GHR: variants seen among roughly 807,000 people sequenced by gnomAD.
The protein encoded by GHR is growth hormone receptor, also known as GH receptor.
GHR carries 35 observed loss-of-function variants against 67.1 expected under a neutral mutation model. The ratio of observed to expected loss-of-function variants is 0.52; its 90% CI spans 0.40 to 0.69. The LOEUF (loss-of-function observed/expected upper bound fraction) is 0.69. GHR is among the 30% of genes least tolerant of loss of function. The probability of loss-of-function intolerance (pLI) is 0.00; values close to 1 mark genes in which losing one functional copy is unlikely to be tolerated. For synonymous variants in GHR, 272 were observed against 269.1 expected, an observed-to-expected ratio of 1.01 and a Z score of -0.10; for missense variants, 792 against 764.6, an observed-to-expected ratio of 1.04 and a Z score of -0.42.
At chr5:42,677,817 T>C (rs575798868) in intron 3 of GHR, among the ~76,000 whole-genome samples, 1 of 152,302 alleles carries the variant, frequency 6.6e-6, no homozygotes, top group South Asian at 2.1e-4. Context: ...AGCCAAAAGA[T>C]TGGACACCTA....
At chr5:42,543,144 G>T (rs79429701) in intron 1 of GHR, among the ~76,000 whole-genome samples, 1 of 152,154 alleles carries the variant, frequency 6.6e-6, no homozygotes, top group East Asian at 1.9e-4. Flanking sequence ...CCTTTAGGTC[G>T]ATTCCCAGTA....
intron 1 of GHR, among the ~76,000 whole-genome samples, chr5:42,557,900 C>T (rs745646743): frequency 5.3e-5 from 8 of 152,112 alleles, no homozygotes; most frequent in Non-Finnish European, 7.4e-5. Flanking sequence ...TACCTGTTAC[C>T]TCACATGAAG....
chr5:42,622,343 A>G (rs900188470), intron 2 of GHR, among the ~76,000 whole-genome samples: 2 of 152,224 alleles, frequency 1.3e-5, no homozygotes, highest in African/African-American at 4.8e-5. Context: ...ATTGTGGCAC[A>G]TAGTGGGGAA....
chr5:42,483,359 G>A lies in GHR; in HGVS notation c.-12+59404G>A, dbSNP rs548126813. On this transcript the variant is annotated intron_variant, in intron 1 of 9. Transcript: ENST00000230882. ...GAGCCTCCATGGCTGGGCACTTACTGTCTTTTTAATTATCAGCTTGCAAAT... is the reference window on the plus strand; with the variant it reads ...GAGCCTCCATGGCTGGGCACTTACTATCTTTTTAATTATCAGCTTGCAAAT... 7.9e-5 allele frequency among the ~76,000 whole-genome samples: 12 copies of A among 152,212 alleles called. No homozygotes were observed. In the South Asian group the frequency reaches 2.5e-3, roughly 32 times the overall value.
At chr5:42,444,524 A>G (rs936985478) in intron 1 of GHR, among the ~76,000 whole-genome samples, 2 of 152,174 alleles carry the variant, frequency 1.3e-5, no homozygotes, top group African/African-American at 4.8e-5. Flanking sequence ...TGTTAAATTT[A>G]CCTGAAATAA....
intron 3 of GHR, among the ~76,000 whole-genome samples, chr5:42,663,530 G>C (rs987142237): frequency 1.3e-5 from 2 of 152,220 alleles, no homozygotes; most frequent in South Asian, 2.1e-4. Flanking sequence ...AAAGTTCTTT[G>C]ACAAAATTCA....
rs576618508 is a variant in GHR at position 42,506,227 on chromosome 5, T to C, written c.-11-59637T>C. The stretch of plus-strand genomic sequence containing the variant: ...AATCAGAATGTATTATGTAGTATTA[T>C]GTAGTTAATAAATATATTTAATGTG... On this transcript the variant is annotated intron_variant, in intron 1 of 9. Transcript: ENST00000230882. Among the ~76,000 whole-genome samples the C allele has an allele frequency of 4.6e-5, 7 of 152,340 alleles. No homozygotes were observed. The South Asian group carries it at 1.0e-3, about 23-fold the overall frequency.
chr5:42,551,808 A>C (rs959329785), intron 1 of GHR, among the ~76,000 whole-genome samples: 1 of 152,186 alleles, frequency 6.6e-6, no homozygotes, highest in Non-Finnish European at 1.5e-5. Context: ...ATGATGCTCC[A>C]TGTAAACTGC....
At chr5:42,529,739 A>G (rs1378288831) in intron 1 of GHR, among the ~76,000 whole-genome samples, 1 of 152,092 alleles carries the variant, frequency 6.6e-6, no homozygotes, top group Admixed American at 6.5e-5. Flanking sequence ...GAAATGTCCT[A>G]TTTGTCTAAG....
intron 1 of GHR, among the ~76,000 whole-genome samples, chr5:42,439,557 T>C (rs1026761777): frequency 6.6e-6 from 1 of 152,192 alleles, no homozygotes; most frequent in East Asian, 1.9e-4. Flanking sequence ...CAAGAATTTG[T>C]ATAAGACTTT....
At chr5:42,588,651 T>C (rs1751620681) in intron 2 of GHR, among the ~76,000 whole-genome samples, 1 of 152,010 alleles carries the variant, frequency 6.6e-6, no homozygotes, top group South Asian at 2.1e-4. Context: ...ATTGGTTGAC[T>C]CTAATGAGAT....
intron 1 of GHR, among the ~76,000 whole-genome samples, chr5:42,470,259 T>C (rs1744953495): frequency 6.9e-6 from 1 of 145,354 alleles, no homozygotes; most frequent in Non-Finnish European, 1.5e-5. Context: ...CATGTATTAA[T>C]ATATATTATC....
intron 1 of GHR, chr5:42,468,949 A>G: frequency 2.3e-6 from 1 of 442,472 alleles, no homozygotes; most frequent in South Asian, 6.0e-5. Flanking sequence ...TCTTCCCAGA[A>G]GATCGAAGAA....
chr5:42,554,439 CT>C (rs1326528148), intron 1 of GHR, among the ~76,000 whole-genome samples: 11 of 152,268 alleles, frequency 7.2e-5, no homozygotes, highest in Non-Finnish European at 1.3e-4. Flanking sequence ...CACCCTACTT[CT>C]TGCTTTAGTA....
chr5:42,568,034 A>G (rs931268989), intron 2 of GHR, among the ~76,000 whole-genome samples: 2 of 152,084 alleles, frequency 1.3e-5, no homozygotes, highest in Admixed American at 6.5e-5. Flanking sequence ...AGATACTACT[A>G]TTGAATTCAG....
chr5:42,613,843 A>G (rs893290897), intron 2 of GHR, among the ~76,000 whole-genome samples: 2 of 152,146 alleles, frequency 1.3e-5, no homozygotes, highest in Non-Finnish European at 2.9e-5. Context: ...AGGTAGGGAC[A>G]TTAGGAGAAA....
chr5:42,631,175 C>CAGCCTCT (rs1753911413), intron 3 of GHR, among the ~76,000 whole-genome samples: 1 of 152,148 alleles, frequency 6.6e-6, no homozygotes, highest in Admixed American at 6.5e-5. Flanking sequence ...TGTTGAAATA[C>CAGCCTCT]AGCCTCTAGG....
intron 2 of GHR, among the ~76,000 whole-genome samples, chr5:42,576,198 G>C (rs1036000127): frequency 8.6e-5 from 13 of 151,620 alleles, no homozygotes; most frequent in Admixed American, 2.0e-4. Flanking sequence ...CCAAAGCACT[G>C]ACAGCATCTG....
At chr5:42,683,291 C>T (rs58340539) in intron 3 of GHR, among the ~76,000 whole-genome samples, 135 of 152,144 alleles carry the variant, frequency 8.9e-4, no homozygotes, top group African/African-American at 2.7e-3. Context: ...TGAGCCACCG[C>T]GCCCAGCCAG....
Sources: allele counts gnomAD v4.1 joint callset (sites outside exome capture counted in the v4.1 genomes callset), GRCh38; gene constraint gnomAD v4.1.1; transcripts MANE v1.5; gene names NCBI Gene and HGNC (gene_info 2026-07-23, HGNC 2026-07-21).